CST11: variants seen among roughly 807,000 people sequenced by gnomAD.
The protein encoded by CST11 is cystatin 11, also known as cystatin-11.
Under a neutral mutation model 14.0 loss-of-function variants are expected in CST11, and 13 were observed. That is an observed-to-expected ratio of 0.93 (90% confidence interval 0.60 to 1.47). The LOEUF (loss-of-function observed/expected upper bound fraction) is 1.47. Ranked by LOEUF, CST11 falls within the 40% of genes most tolerant of loss-of-function variation. The pLI, the probability that CST11 is intolerant of heterozygous loss-of-function variation, is 0.00. For missense variants in CST11, 181 were observed against 160.0 expected (o/e 1.13, Z -0.71); for synonymous variants, 64 against 57.8 (o/e 1.11, Z -0.48).
At position 23,450,420 on chromosome 20, in the gene CST11, C is replaced by A; in HGVS notation, c.*86G>T. On this transcript the variant is annotated 3_prime_UTR_variant, in exon 3 of 3. Coordinates refer to ENST00000377009, the MANE Select transcript of CST11 (RefSeq NM_130794.2). Reference sequence around the variant, plus strand: ...TCACGATCTTAAGAGAATATGTTGACAAACATTTATTGCCTATATTAAGGA... The same window carrying A: ...TCACGATCTTAAGAGAATATGTTGAAAAACATTTATTGCCTATATTAAGGA... 4 of 823,370 alleles carry A rather than the reference C, an allele frequency of 4.9e-6. No homozygotes were observed. Among genetic ancestry groups the A allele is most frequent in the East Asian group, 2.6e-5 (1 of 38,196 alleles). The allele number at this position is 823,370 out of a possible 1,614,324, so 51.0% of individuals were successfully genotyped here. A position where few individuals can be genotyped will look rare whatever the true frequency, so the allele number is the denominator to read the frequency against.
At position 23,450,471 on chromosome 20, in the gene CST11, A is replaced by G; in HGVS notation, c.*35T>C. The stretch of plus-strand genomic sequence containing the variant: ...TTATTGCCCATTGCAGGATTCTCTC[A>G]CATGCAGTGGCCGCAGTTGTACACT... On this transcript the variant is annotated 3_prime_UTR_variant, in exon 3 of 3. Coordinates refer to ENST00000377009, the MANE Select transcript of CST11 (RefSeq NM_130794.2). 7.1e-7 allele frequency: 1 copy of G among 1,407,586 alleles called. No individual in the cohort carries two copies. Among genetic ancestry groups the G allele is most frequent in the Non-Finnish European group, 9.9e-7 (1 of 1,012,010 alleles). 87.2% of individuals were successfully genotyped at this position (1,407,586 alleles called of 1,614,324 possible).
chr20:23,451,959 C>A, intron 1 of CST11, 39 bp from the exon 2 acceptor site: 2 of 1,493,110 alleles, frequency 1.3e-6, no homozygotes, highest in East Asian at 4.5e-5. Context: ...AGCTTGTCCC[C>A]TTCTCCCCTG....
chr20:23,451,928 C>T lies in CST11; in HGVS notation c.229-8G>A, dbSNP rs201144078. On this transcript the variant is annotated splice_region_variant and splice_polypyrimidine_tract_variant and intron_variant, in intron 1 of 2. Transcript: ENST00000377009. ...CTCCAGGTGGTCAGTGACCTGTGGG[C>T]GCCAGGCGTGGGGGAGGCACAGCTT... 161 of 1,607,766 alleles carry T rather than the reference C, an allele frequency of 1.0e-4. 1 individual carries two copies. Among genetic ancestry groups the T allele is most frequent in the East Asian group, 7.6e-4 (34 of 44,794 alleles).
Position 23,451,935 on chromosome 20 carries a change from C to A in CST11, c.229-15G>T, listed in dbSNP as rs375509708. On this transcript the variant is annotated splice_polypyrimidine_tract_variant and intron_variant, in intron 1 of 2. Transcript: ENST00000377009. ...TGGTCAGTGACCTGTGGGCGCCAGG[C>A]GTGGGGGAGGCACAGCTTGTCCCCT... 46 of 1,595,656 alleles carry A rather than the reference C, an allele frequency of 2.9e-5. No individual in the cohort carries two copies. Among genetic ancestry groups the A allele is most frequent in the Non-Finnish European group, 3.4e-5 (39 of 1,164,156 alleles).
intron 1 of CST11, among the ~76,000 whole-genome samples, chr20:23,452,143 A>G (rs116689185): frequency 1.6e-3 from 246 of 152,328 alleles, no homozygotes; most frequent in African/African-American, 5.3e-3. Context: ...GGGCAAATCT[A>G]TCCCTTGGGT....
intron 2 of CST11, among the ~76,000 whole-genome samples, chr20:23,451,110 A>T (rs1023065062): frequency 6.6e-6 from 1 of 151,882 alleles, no homozygotes; most frequent in African/African-American, 2.4e-5. Flanking sequence ...ATCTCCATTC[A>T]TTCTTCCATT....
chr20:23,450,671 G>T, intron 2 of CST11, 82 bp from the exon 3 acceptor site: 1 of 1,033,464 alleles, frequency 9.7e-7, no homozygotes, highest in Non-Finnish European at 1.4e-6. Flanking sequence ...AAGACACGAA[G>T]ATGGAGAAAA....
At chr20:23,452,061 T>C in intron 1 of CST11, 141 bp from the exon 2 acceptor site, 1 of 592,060 alleles carries the variant, frequency 1.7e-6, no homozygotes, top group Non-Finnish European at 3.0e-6. Flanking sequence ...CTCTCCTCTA[T>C]TTGACTCATG....
In CST11 at chr20:23,450,452, C is replaced by A; in HGVS notation, c.*54G>T. 2 of 1,099,024 alleles carry A rather than the reference C, an allele frequency of 1.8e-6. No homozygotes were observed. The highest frequency in any genetic ancestry group is 2.7e-6 in the Non-Finnish European group (2 of 746,332). The allele number at this position is 1,099,024 out of a possible 1,614,324, so 68.1% of individuals were successfully genotyped here. A position where few individuals can be genotyped will look rare whatever the true frequency, so the allele number is the denominator to read the frequency against. On this transcript the variant is annotated 3_prime_UTR_variant, in exon 3 of 3. Transcript: ENST00000377009. ...TTATTGCCTATATTAAGGATTATTG[C>A]CCATTGCAGGATTCTCTCACATGCA...
At position 23,451,862 on chromosome 20, in the gene CST11, T is replaced by G. The variant is rs1023349534; in HGVS notation, c.287A>C (p.Lys96Thr). 6.2e-7 allele frequency: 1 copy of G among 1,614,026 alleles called. No homozygotes were observed. The highest frequency in any genetic ancestry group is 8.5e-7 in the Non-Finnish European group (1 of 1,179,924). ...GGGGACACAGTTCGTGGTCTCTGGC[T>G]TTTGGCAGGTGGTCCACTGCATTTC... The part of the protein sequence containing the change: ...NVEMQWTTCQ[K>T]PETTNCVPQE... The change falls in exon 2 of 3, where the codon AAG becomes ACG. Residue 96 changes from lysine (K) to threonine (T), a missense_variant. Transcript: ENST00000377009.
intron 2 of CST11, 38 bp from the exon 3 acceptor site, chr20:23,450,627 C>A (rs773626034): frequency 6.6e-7 from 1 of 1,524,418 alleles, no homozygotes. Context: ...TAAAAGACGC[C>A]AGGTGAAATT....
chr20:23,450,924 C>T (rs974061934), intron 2 of CST11, among the ~76,000 whole-genome samples: 1 of 152,192 alleles, frequency 6.6e-6, no homozygotes, highest in Non-Finnish European at 1.5e-5. Flanking sequence ...TCTCTTGGCT[C>T]CATTTATTCA....
chr20:23,451,835 T>TG lies in CST11; in HGVS notation c.313dup (p.Gln105ProfsTer22). On this transcript the variant is annotated frameshift_variant, in exon 2 of 3. Coordinates refer to ENST00000377009, the MANE Select transcript of CST11 (RefSeq NM_130794.2). LOFTEE classifies it low-confidence loss of function (END_TRUNC). ...CAATACCTTGTGAAGCTCCCTTTCC[T>TG]GGGGGACACAGTTCGTGGTCTCTGG... The TG allele has an allele frequency of 6.2e-7, 1 of 1,613,946 alleles. No homozygotes were observed.
chr20:23,451,898 T>C lies in CST11; in HGVS notation c.251A>G (p.His84Arg). ...GGTCCACTGCATTTCCACATTCAGG[T>C]GATACTCCAGGTGGTCAGTGACCTG... is the stretch of plus-strand genomic sequence containing the variant. ...QRQVTDHLEY[H>R]LNVEMQWTTC... Residue 84 changes from histidine (H) to arginine (R), a missense_variant, in exon 2 of 3, where the codon CAC becomes CGC. Transcript: ENST00000377009. The C allele has an allele frequency of 6.2e-7, 1 of 1,613,964 alleles. No homozygotes were observed. The highest frequency in any genetic ancestry group is 8.5e-7 in the Non-Finnish European group (1 of 1,179,876).
At position 23,452,844 on chromosome 20, in the gene CST11, T is replaced by G. The variant is rs757726395; in HGVS notation, c.-33A>C. ...CTGCAGAGGAACAGGAAGAGTGTTC[T>G]CTGTACTCCTCAGGGACAAGTCGAA... On this transcript the variant is annotated 5_prime_UTR_variant, in exon 1 of 3. Transcript: ENST00000377009. 7.2e-6 allele frequency: 11 copies of G among 1,535,092 alleles called. No homozygotes were observed. In the Admixed American group the frequency reaches 2.0e-4, roughly 27 times the overall value.
Position 23,451,914 on chromosome 20 carries a change from C to A in CST11, c.235G>T (p.Asp79Tyr). ...RVLKVQRQVT[D>Y]HLEYHLNVEM... ...ACATTCAGGTGATACTCCAGGTGGT[C>A]AGTGACCTGTGGGCGCCAGGCGTGG... is the stretch of plus-strand genomic sequence containing the variant. Residue 79 changes from aspartate to tyrosine, a missense_variant, in exon 2 of 3, where the codon GAC becomes TAC. Coordinates refer to ENST00000377009, the MANE Select transcript of CST11 (RefSeq NM_130794.2). The A allele has an allele frequency of 1.2e-6, 2 of 1,613,484 alleles. No homozygotes were observed. Among genetic ancestry groups the A allele is most frequent in the South Asian group, 2.2e-5 (2 of 91,006 alleles).
intron 2 of CST11, among the ~76,000 whole-genome samples, chr20:23,450,995 T>C (rs1190149130): frequency 6.6e-6 from 1 of 152,028 alleles, no homozygotes; most frequent in African/African-American, 2.4e-5. Context: ...TGTCCATCCA[T>C]CCATTTGTCC....
intron 2 of CST11, 66 bp downstream of exon 2, chr20:23,451,750 C>G: frequency 2.5e-6 from 3 of 1,194,688 alleles, no homozygotes; most frequent in Non-Finnish European, 3.7e-6. Context: ...CCAACTCATT[C>G]TAAAGCCACA....
intron 1 of CST11, 130 bp downstream of exon 1, chr20:23,452,454 G>A (rs1987119278): frequency 2.9e-6 from 2 of 685,462 alleles, no homozygotes; most frequent in Admixed American, 2.3e-5. Flanking sequence ...GTGAATTTAT[G>A]CTTCTCTTAA....
Sources: gnomAD v4.1 joint callset for allele counts (sites outside exome capture counted in the v4.1 genomes callset) on GRCh38, gnomAD v4.1.1 for gene constraint, MANE v1.5 for transcripts, NCBI Gene and HGNC (gene_info 2026-07-23, HGNC 2026-07-21) for gene names.